The following LDHD variants were observed in gnomAD, a reference collection of about 807,000 sequenced individuals.
The protein encoded by LDHD is D-lactate dehydrogenase, mitochondrial.
A neutral mutation model predicts 52.9 loss-of-function variants in LDHD; 58 were observed. That is an observed-to-expected ratio of 1.10 (90% CI 0.89 to 1.36). The LOEUF (loss-of-function observed/expected upper bound fraction) is 1.36, where lower values mean the gene tolerates loss of function less well. Among genes scored for constraint, LDHD ranks in the 40% most tolerant of loss-of-function variants. The pLI is 0.00. For synonymous variants in LDHD, 350 were observed against 288.6 expected (o/e 1.21, Z -2.16); for missense variants, 747 against 668.0 (o/e 1.12, Z -1.30).
Position 75,114,036 on chromosome 16 carries a change from G to A in LDHD, c.759C>T (p.Phe253=). Residue 253 remains phenylalanine, a synonymous_variant, in exon 6 of 11, where the codon TTC becomes TTT. Coordinates refer to ENST00000450168, the MANE Select transcript of LDHD (RefSeq NM_194436.3). ...TGTCCACAGCAGCCTGGACACTGGG[G>A]AACGCACACGTGGCGGCCACTGTGG... ...PEATVAATCA[F]PSVQAAVDST... is the part of the protein sequence containing the mutation. 1 of 1,609,394 alleles carries A rather than the reference G, an allele frequency of 6.2e-7. No individual in the cohort carries two copies. Among genetic ancestry groups the A allele is most frequent in the South Asian group, 1.1e-5 (1 of 90,924 alleles).
At position 75,115,285 on chromosome 16, in the gene LDHD, C is replaced by A. The variant is rs765969328; in HGVS notation, c.240G>T (p.Arg80=). The A allele has an allele frequency of 1.2e-6, 2 of 1,613,570 alleles. No homozygotes were observed. The highest frequency in any genetic ancestry group is 1.3e-5 in the African/African-American group (1 of 75,062). Residue 80 remains arginine (R), a synonymous_variant, in exon 3 of 11, where the codon CGG becomes CGT. Coordinates refer to ENST00000450168, the MANE Select transcript of LDHD (RefSeq NM_194436.3). ...CTTGGCGATAGCACAGGGCTGCCAGCCGGCTGACCTGCTCCACGTTCTGGG... is the reference window on the plus strand; with the variant it reads ...CTTGGCGATAGCACAGGGCTGCCAGACGGCTGACCTGCTCCACGTTCTGGG... ...VWPQNVEQVS[R]LAALCYRQGV... is the part of the protein sequence containing the mutation.
chr16:75,114,783 C>T, intron 4 of LDHD, 44 bp downstream of exon 4: 2 of 1,596,562 alleles, frequency 1.3e-6, no homozygotes, highest in Non-Finnish European at 1.7e-6. Flanking sequence ...CAGCCCTGCT[C>T]CCACGGTGCC....
Position 75,113,615 on chromosome 16 carries a change from CCTTGGCCCA to C in LDHD, c.997_1005del (p.Trp333_Lys335del). ...CAAAGCCGGCTGCGCTCCTCGGCCTCCTTGGCCCAGGAGAAGTCAGAGGCTCCGTTCTGC... is the reference window on the plus strand; with the variant it reads ...CAAAGCCGGCTGCGCTCCTCGGCCTCGGAGAAGTCAGAGGCTCCGTTCTGC... On this transcript the variant is annotated inframe_deletion, in exon 8 of 11. Coordinates refer to ENST00000450168, the MANE Select transcript of LDHD (RefSeq NM_194436.3). 6.2e-7 allele frequency: 1 copy of C among 1,613,258 alleles called. No individual in the cohort carries two copies. Among genetic ancestry groups the C allele is most frequent in the Non-Finnish European group, 8.5e-7 (1 of 1,179,994 alleles).
intron 4 of LDHD, 54 bp from the exon 5 acceptor site, chr16:75,114,739 G>T: frequency 6.4e-7 from 1 of 1,557,576 alleles, no homozygotes; most frequent in Non-Finnish European, 8.7e-7. Context: ...CTTTCCCTCG[G>T]GCTGGGGGAG....
chr16:75,112,178 G>A lies in LDHD; in HGVS notation c.*178C>T, dbSNP rs1223820657. Reference sequence around the variant, plus strand: ...CTGGGGCCAGCCAGAGGGCCAGGGAGGTAACACGGTGCTCAGGCTTCTCTC... The same window carrying A: ...CTGGGGCCAGCCAGAGGGCCAGGGAAGTAACACGGTGCTCAGGCTTCTCTC... On this transcript the variant is annotated 3_prime_UTR_variant, in exon 11 of 11. Transcript: ENST00000450168. 1.4e-6 allele frequency: 1 copy of A among 723,218 alleles called. No homozygotes were observed. The highest frequency in any genetic ancestry group is 2.2e-6 in the Non-Finnish European group (1 of 451,780). 44.8% of individuals were successfully genotyped at this position (723,218 alleles called of 1,614,324 possible).
rs750181416 is a variant in LDHD at position 75,114,255 on chromosome 16, C to A, written c.630-90G>T. On this transcript the variant is annotated intron_variant, in intron 5 of 10. Transcript: ENST00000450168. ...CGAAGCTGGAACCCAAGACACCGACCCCAGGCACTGAGGTCTGGGCTGGCC... is the reference window on the plus strand; with the variant it reads ...CGAAGCTGGAACCCAAGACACCGACACCAGGCACTGAGGTCTGGGCTGGCC... 1.0e-5 allele frequency: 16 copies of A among 1,576,932 alleles called. No homozygotes were observed. The African/African-American group carries it at 2.1e-4, about 21-fold the overall frequency.
intron 8 of LDHD, 32 bp downstream of exon 8, chr16:75,113,503 T>G (rs998427727): frequency 5.1e-6 from 8 of 1,580,428 alleles, no homozygotes; most frequent in Non-Finnish European, 6.0e-6. Flanking sequence ...GGCCGAGCTG[T>G]GGGCCCCATC....
At position 75,115,351 on chromosome 16, in the gene LDHD, C is replaced by A. The variant is rs1172515494; in HGVS notation, c.186-12G>T. 2 of 1,613,054 alleles carry A rather than the reference C, an allele frequency of 1.2e-6. No individual in the cohort carries two copies. Among genetic ancestry groups the A allele is most frequent in the African/African-American group, 1.3e-5 (1 of 74,942 alleles). ...CAGGAGGTTCGCACCTAGAACCAGA[C>A]CCTCAGCGATTTAGCGGGGCGTGAC... is the stretch of plus-strand genomic sequence containing the variant. On this transcript the variant is annotated splice_polypyrimidine_tract_variant and intron_variant, in intron 2 of 10. Coordinates refer to ENST00000450168, the MANE Select transcript of LDHD (RefSeq NM_194436.3).
Position 75,115,639 on chromosome 16 carries a change from C to A in LDHD, c.94G>T (p.Val32Leu), listed in dbSNP as rs758661933. The stretch of plus-strand genomic sequence containing the variant: ...CCCACCACGGCCTTCAGAGCCTCTA[C>A]GAAGTCCCTGCAGAGCTCTCCCTGC... ...KAKGELCRDFVEALKAVVGGS... is the reference protein window; with the variant it reads ...KAKGELCRDFLEALKAVVGGS... Residue 32 changes from valine to leucine, a missense_variant, in exon 2 of 11, where the codon GTA (valine) becomes TTA (leucine). Transcript: ENST00000450168. The A allele has an allele frequency of 5.0e-6, 8 of 1,610,502 alleles. No homozygotes were observed. Among genetic ancestry groups the A allele is most frequent in the Non-Finnish European group, 6.8e-6 (8 of 1,178,664 alleles).
At chr16:75,114,288 G>A in intron 5 of LDHD, 123 bp from the exon 6 acceptor site, 2 of 1,533,712 alleles carry the variant, frequency 1.3e-6, no homozygotes, top group African/African-American at 1.4e-5. Flanking sequence ...GCCTCCCTCG[G>A]GCCCAGTTTC....
At chr16:75,112,753 C>G (rs761980711) in intron 9 of LDHD, 40 bp from the exon 10 acceptor site, 1 of 1,599,146 alleles carries the variant, frequency 6.3e-7, no homozygotes, top group Non-Finnish European at 8.6e-7. Context: ...CAGCCCAGTC[C>G]TCCTCTTGCC....
In LDHD at chr16:75,112,195, G is replaced by T; in HGVS notation, c.*161C>A. ...GCCAGGGAGGTAACACGGTGCTCAG[G>T]CTTCTCTCTGGGCCCTCTGGCCTTG... On this transcript the variant is annotated 3_prime_UTR_variant, in exon 11 of 11. Coordinates refer to ENST00000450168, the MANE Select transcript of LDHD (RefSeq NM_194436.3). 2 of 840,074 alleles carry T rather than the reference G, an allele frequency of 2.4e-6. No individual in the cohort carries two copies. The highest frequency in any genetic ancestry group is 3.6e-6 in the Non-Finnish European group (2 of 552,144). 52.0% of individuals were successfully genotyped at this position (840,074 alleles called of 1,614,324 possible). A position where few individuals can be genotyped will look rare whatever the true frequency, so the allele number is the denominator to read the frequency against.
At chr16:75,116,327 G>A (rs2036556060) in intron 1 of LDHD, among the ~76,000 whole-genome samples, 1 of 152,194 alleles carries the variant, frequency 6.6e-6, no homozygotes, top group Non-Finnish European at 1.5e-5. Flanking sequence ...CCATTTTACA[G>A]ATGAGAAATG....
rs201545813 is a variant in LDHD, at chr16:75,115,371, C to T, written c.186-32G>A. On this transcript the variant is annotated intron_variant, in intron 2 of 10. Coordinates refer to ENST00000450168, the MANE Select transcript of LDHD (RefSeq NM_194436.3). ...CCAGACCCTCAGCGATTTAGCGGGG[C>T]GTGACACCCTCTGGTCCCGAGGTGT... 3.1e-6 allele frequency: 5 copies of T among 1,611,492 alleles called. No homozygotes were observed. In the East Asian group the frequency reaches 8.9e-5, roughly 29 times the overall value.
intron 5 of LDHD, 78 bp downstream of exon 5, chr16:75,114,448 T>G: frequency 7.1e-7 from 1 of 1,414,826 alleles, no homozygotes; most frequent in South Asian, 1.5e-5. Context: ...GAGGTGCTTT[T>G]CACAGCCCGG....
chr16:75,114,981 G>T lies in LDHD; in HGVS notation c.328-13C>A. ...CGCAGACGCCGCCCTGGTTGGGGCAGGTGCTAAGACCACTGCAGACCTGGG... is the reference window on the plus strand; with the variant it reads ...CGCAGACGCCGCCCTGGTTGGGGCATGTGCTAAGACCACTGCAGACCTGGG... On this transcript the variant is annotated splice_polypyrimidine_tract_variant and intron_variant, in intron 3 of 10. Coordinates refer to ENST00000450168, the MANE Select transcript of LDHD (RefSeq NM_194436.3). 1.2e-6 allele frequency: 2 copies of T among 1,605,646 alleles called. No individual in the cohort carries two copies. Among genetic ancestry groups the T allele is most frequent in the Non-Finnish European group, 1.7e-6 (2 of 1,176,092 alleles).
intron 8 of LDHD, among the ~76,000 whole-genome samples, chr16:75,113,285 C>T (rs950437355): frequency 6.6e-6 from 1 of 152,202 alleles, no homozygotes; most frequent in African/African-American, 2.4e-5. Context: ...CCAAGAGCAC[C>T]GCACCGTTCC....
At chr16:75,116,584 T>C in intron 1 of LDHD, 65 bp downstream of exon 1, 1 of 1,388,024 alleles carries the variant, frequency 7.2e-7, no homozygotes, top group Non-Finnish European at 1.0e-6. Flanking sequence ...AAACTTGGGA[T>C]CAGAACCCCC....
intron 5 of LDHD, 126 bp from the exon 6 acceptor site, chr16:75,114,291 C>G (rs1029920025): frequency 7.2e-6 from 11 of 1,532,620 alleles, no homozygotes; most frequent in Admixed American, 1.9e-5. Context: ...TCCCTCGGGC[C>G]CAGTTTCCCT....
Sources: allele counts gnomAD v4.1 joint callset (sites outside exome capture counted in the v4.1 genomes callset), GRCh38; gene constraint gnomAD v4.1.1; transcripts MANE v1.5; gene names NCBI Gene and HGNC (gene_info 2026-07-23, HGNC 2026-07-21).